Variants in MCM4 observed in about 807,000 individuals in gnomAD.
The protein encoded by MCM4 is DNA replication licensing factor MCM4.
MCM4 carries 60 observed loss-of-function variants against 88.7 expected under a neutral mutation model. That is an observed-to-expected ratio of 0.68 (90% CI 0.55 to 0.84). The LOEUF (loss-of-function observed/expected upper bound fraction) is 0.84, where lower values mean the gene tolerates loss of function less well. Among genes scored for constraint, MCM4 ranks in the 40% least tolerant of loss-of-function variants. MCM4 has a pLI of 0.00. For synonymous variants in MCM4, 465 were observed against 410.5 expected (o/e 1.13, Z -1.61); for missense variants, 1,149 against 1,105.5 (o/e 1.04, Z -0.56).
In MCM4 at chr8:47,962,980, C is replaced by G. The variant is rs2090860662; in HGVS notation, c.633C>G (p.Asn211Lys). 6.2e-7 allele frequency: 1 copy of G among 1,607,922 alleles called. No homozygotes were observed. ...NVIGEPFLNV[N>K]CEHIKSFDKN... Reference sequence around the variant, plus strand: ...TTGGTGAGCCATTTTTAAATGTGAACTGTGAACACATCAAATCATTTGACA... The same window carrying G: ...TTGGTGAGCCATTTTTAAATGTGAAGTGTGAACACATCAAATCATTTGACA... Residue 211 changes from asparagine (N) to lysine (K), a missense_variant, in exon 7 of 17, where the codon AAC (asparagine) becomes AAG (lysine). By Grantham distance (94) the Asn-to-Lys change is moderately conservative. This residue lies in a region of MCM4 where 906 missense variants were observed against 843.0 expected (regional missense o/e 1.07). Coordinates refer to ENST00000649973, the MANE Select transcript of MCM4 (RefSeq NM_182746.3).
At position 47,966,343 on chromosome 8, in the gene MCM4, G is replaced by T; in HGVS notation, c.989G>T (p.Arg330Leu). The part of the protein sequence containing the change: ...GRIAEPSVCG[R>L]CHTTHSMALI... Reference sequence around the variant, plus strand: ...ATTGCAGAGCCCAGTGTGTGCGGGCGCTGCCACACCACCCACAGCATGGCA... The same window carrying T: ...ATTGCAGAGCCCAGTGTGTGCGGGCTCTGCCACACCACCCACAGCATGGCA... Residue 330 changes from arginine to leucine, a missense_variant, in exon 9 of 17, where the codon CGC (arginine) becomes CTC (leucine). By Grantham distance (102) the Arg-to-Leu change is moderately radical (BLOSUM62 -2). This residue lies in a region of MCM4 where 906 missense variants were observed against 843.0 expected (regional missense o/e 1.07). Coordinates refer to ENST00000649973, the MANE Select transcript of MCM4 (RefSeq NM_182746.3). 1 of 1,613,694 alleles carries T rather than the reference G, an allele frequency of 6.2e-7. No homozygotes were observed. Among genetic ancestry groups the T allele is most frequent in the Non-Finnish European group, 8.5e-7 (1 of 1,179,988 alleles).
In MCM4 at chr8:47,967,403, G is replaced by T; in HGVS notation, c.1092G>T (p.Gly364=). ...AGTCTCCGGAAGACATGCCTGCAGG[G>T]CAGACACCACACACAGTTATCCTGT... The part of the protein sequence containing the change: ...LQESPEDMPA[G]QTPHTVILFA... Residue 364 remains glycine (G), a synonymous_variant, in exon 10 of 17, where the codon GGG becomes GGT. Transcript: ENST00000649973. 1 of 1,614,172 alleles carries T rather than the reference G, an allele frequency of 6.2e-7. No homozygotes were observed. Among genetic ancestry groups the T allele is most frequent in the Non-Finnish European group, 8.5e-7 (1 of 1,180,022 alleles).
intron 7 of MCM4, 57 bp downstream of exon 7, chr8:47,963,097 C>T (rs555343100): frequency 4.7e-5 from 48 of 1,013,672 alleles, no homozygotes; most frequent in South Asian, 3.3e-4. Context: ...AAGAATGTTT[C>T]CAGATAACAG....
Position 47,970,510 on chromosome 8 carries a change from G to C in MCM4, c.1435-1G>C. Reference sequence around the variant, plus strand: ...GTTTAGACATGTCTCTGATTATTTAGGGAATTTTGCTTCAGCTCTTTGGCG... The same window carrying C: ...GTTTAGACATGTCTCTGATTATTTACGGAATTTTGCTTCAGCTCTTTGGCG... On this transcript the variant is annotated splice_acceptor_variant, in intron 11 of 16. Transcript: ENST00000649973. LOFTEE classifies it high-confidence loss of function. The C allele has an allele frequency of 6.3e-7, 1 of 1,593,572 alleles. No individual in the cohort carries two copies. The highest frequency in any genetic ancestry group is 8.6e-7 in the Non-Finnish European group (1 of 1,165,600).
chr8:47,970,377 C>T (rs914032529), intron 11 of MCM4, 134 bp from the exon 12 acceptor site: 17 of 1,158,986 alleles, frequency 1.5e-5, no homozygotes, highest in South Asian at 4.6e-5. Flanking sequence ...AGCACTTTCA[C>T]GAGCCTTTTT....
chr8:47,966,436 A>G (rs758307713), intron 9 of MCM4, 29 bp downstream of exon 9: 2 of 1,573,680 alleles, frequency 1.3e-6, no homozygotes, highest in Non-Finnish European at 1.7e-6. Context: ...CCCCCAGGCT[A>G]TGCTTTGCCT....
chr8:47,966,550 C>A, intron 9 of MCM4, 143 bp downstream of exon 9: 1 of 796,578 alleles, frequency 1.3e-6, no homozygotes, highest in Non-Finnish European at 2.0e-6. Context: ...TCGTTAGTGG[C>A]CTATGGGCTA....
In MCM4 at chr8:47,973,357, G is replaced by A. The variant is rs144214277; in HGVS notation, c.2136+293G>A. On this transcript the variant is annotated intron_variant, in intron 14 of 16. Coordinates refer to ENST00000649973, the MANE Select transcript of MCM4 (RefSeq NM_182746.3). Reference sequence around the variant, plus strand: ...ACTCCGGCTAATTTTTGTATTTTTAGTAGAGACAGAGTTTCACCGTGTTGG... The same window carrying A: ...ACTCCGGCTAATTTTTGTATTTTTAATAGAGACAGAGTTTCACCGTGTTGG... Among the ~76,000 whole-genome samples the A allele has an allele frequency of 3.8e-3, 585 of 152,116 alleles. 3 individuals are homozygous for A. The highest frequency in any genetic ancestry group is 6.4e-3 in the Non-Finnish European group (433 of 68,000).
chr8:47,969,972 A>G lies in MCM4; in HGVS notation c.1349A>G (p.Lys450Arg). ...TCAGAGAAACGTGTGGAATTGCTTA[A>G]GGAACTTTCCAGGAAACCAGACATT... ...LFSEKRVELLKELSRKPDIYE... is the reference protein window; with the variant it reads ...LFSEKRVELLRELSRKPDIYE... The change falls in exon 11 of 17, where the codon AAG (lysine) becomes AGG (arginine). Residue 450 changes from lysine to arginine, a missense_variant. Lys to Arg is a conservative substitution (Grantham distance 26). Around this residue, in one of 3 missense-constraint regions of MCM4, gnomAD observed 906 missense variants for 843.0 expected, o/e 1.07. Transcript: ENST00000649973. The G allele has an allele frequency of 6.2e-7, 1 of 1,614,274 alleles. No individual in the cohort carries two copies. The highest frequency in any genetic ancestry group is 8.5e-7 in the Non-Finnish European group (1 of 1,180,044).
At chr8:47,963,347 G>A (rs1274397798) in intron 7 of MCM4, among the ~76,000 whole-genome samples, 1 of 152,042 alleles carries the variant, frequency 6.6e-6, no homozygotes, top group African/African-American at 2.4e-5. Context: ...CCAGCTACTC[G>A]GGAGTCTGAA....
In MCM4 at chr8:47,974,773, A is replaced by G. The variant is rs775694404; in HGVS notation, c.2176A>G (p.Met726Val). 8.7e-6 allele frequency: 14 copies of G among 1,614,088 alleles called. No homozygotes were observed. Among genetic ancestry groups the G allele is most frequent in the Non-Finnish European group, 1.1e-5 (13 of 1,180,042 alleles). Residue 726 changes from methionine (M) to valine (V), a missense_variant, in exon 15 of 17, where the codon ATG (methionine) becomes GTG (valine). Physicochemically the swap from Met to Val is conservative, Grantham distance 21. Coordinates refer to ENST00000649973, the MANE Select transcript of MCM4 (RefSeq NM_182746.3). Reference sequence around the variant, plus strand: ...GAGGAAGATTGGCAGTAGCCGGGGAATGGTTTCTGCATACCCTCGACAGCT... The same window carrying G: ...GAGGAAGATTGGCAGTAGCCGGGGAGTGGTTTCTGCATACCCTCGACAGCT... ...DMRKIGSSRG[M>V]VSAYPRQLES...
chr8:47,967,331 G>T (rs188647203), intron 9 of MCM4, 34 bp from the exon 10 acceptor site: 1 of 1,613,212 alleles, frequency 6.2e-7, no homozygotes, highest in East Asian at 2.2e-5. Flanking sequence ...CCCTCTCTTT[G>T]TGGCCCACAT....
chr8:47,976,224 C>T (rs185863917), intron 16 of MCM4, among the ~76,000 whole-genome samples: 10 of 149,988 alleles, frequency 6.7e-5, no homozygotes, highest in African/African-American at 2.2e-4. Flanking sequence ...ACCTGGGAGG[C>T]GGAGGTTGCA....
chr8:47,973,534 C>T (rs2090974682), intron 14 of MCM4, among the ~76,000 whole-genome samples: 1 of 151,942 alleles, frequency 6.6e-6, no homozygotes, highest in South Asian at 2.1e-4. Context: ...GCTGTGTCCC[C>T]CAGGCTGGAC....
chr8:47,961,275 G>C, intron 2 of MCM4, 61 bp downstream of exon 2: 1 of 1,426,414 alleles, frequency 7.0e-7, no homozygotes, highest in Non-Finnish European at 9.1e-7. Context: ...CCCTCTCGCC[G>C]CAGCTGGCAG....
intron 16 of MCM4, 73 bp downstream of exon 16, chr8:47,975,921 C>G: frequency 2.9e-6 from 3 of 1,045,568 alleles, no homozygotes; most frequent in Non-Finnish European, 3.9e-6. Context: ...GGGTTTTTTT[C>G]CTTTATTTAT....
At chr8:47,969,764 A>G in intron 10 of MCM4, 34 bp from the exon 11 acceptor site, 1 of 1,610,590 alleles carries the variant, frequency 6.2e-7, no homozygotes, top group Non-Finnish European at 8.5e-7. Context: ...AAGATATGGG[A>G]AGGTAAAAGT....
intron 11 of MCM4, among the ~76,000 whole-genome samples, chr8:47,970,279 C>T (rs2090940659): frequency 6.6e-6 from 1 of 152,224 alleles, no homozygotes; most frequent in Non-Finnish European, 1.5e-5. Context: ...AGAGGCCACA[C>T]AGTGTCAGAA....
At chr8:47,965,823 T>C (rs1463413279) in intron 8 of MCM4, among the ~76,000 whole-genome samples, 3 of 152,078 alleles carry the variant, frequency 2.0e-5, no homozygotes, top group Non-Finnish European at 2.9e-5. Context: ...ACCACCCCAT[T>C]CTATAGGGGA....
Sources: gnomAD v4.1 joint callset for allele counts (sites outside exome capture counted in the v4.1 genomes callset) on GRCh38, gnomAD v4.1.1 for gene constraint, gnomAD v4.1.1 regional missense constraint, MANE v1.5 for transcripts, NCBI Gene and HGNC (gene_info 2026-07-23, HGNC 2026-07-21) for gene names.